PCDH15: variants seen among roughly 807,000 people sequenced by gnomAD.
PCDH15 encodes protocadherin-15.
Under a neutral mutation model 178.5 loss-of-function variants are expected in PCDH15, and 129 were observed. The observed-to-expected ratio is 0.72, with a 90% CI of 0.63 to 0.84. The LOEUF is 0.84. PCDH15 is among the 40% of genes least tolerant of loss of function. PCDH15 has a pLI of 0.00. For synonymous variants in PCDH15, 800 were observed against 732.0 expected, an observed-to-expected ratio of 1.09 and a Z score of -1.50; for missense variants, 2,230 against 2,099.9, an observed-to-expected ratio of 1.06 and a Z score of -1.21.
chr10:54,440,490 G>T (rs552882639), intron 3 of PCDH15, among the ~76,000 whole-genome samples: 1 of 151,780 alleles, frequency 6.6e-6, no homozygotes, highest in South Asian at 2.1e-4. Context: ...AATTCTAGAG[G>T]ATTCTAGATA....
intron 13 of PCDH15, among the ~76,000 whole-genome samples, chr10:54,167,405 A>C (rs2046343453): frequency 6.6e-6 from 1 of 151,742 alleles, no homozygotes; most frequent in South Asian, 2.1e-4. Flanking sequence ...GACAAAGGAG[A>C]CACATTTTAT....
intron 2 of PCDH15, among the ~76,000 whole-genome samples, chr10:55,573,392 G>T (rs1842442154): frequency 6.6e-6 from 1 of 152,010 alleles, no homozygotes; most frequent in African/African-American, 2.4e-5. Flanking sequence ...TAGATACCAG[G>T]ATCTGTCTTT....
At chr10:54,644,153 A>AT (rs535118383) in intron 2 of PCDH15, among the ~76,000 whole-genome samples, 1 of 150,346 alleles carries the variant, frequency 6.7e-6, no homozygotes, top group Non-Finnish European at 1.5e-5. Flanking sequence ...TGAACTCATC[A>AT]TTTTTTTATG....
At chr10:54,217,124 G>A (rs2052169262) in intron 9 of PCDH15, among the ~76,000 whole-genome samples, 1 of 151,960 alleles carries the variant, frequency 6.6e-6, no homozygotes, top group Non-Finnish European at 1.5e-5. Context: ...CACGTGGAGA[G>A]GATAAACACT....
intron 8 of PCDH15, among the ~76,000 whole-genome samples, chr10:54,256,498 C>G (rs1177387982): frequency 6.6e-6 from 1 of 152,108 alleles, no homozygotes; most frequent in Non-Finnish European, 1.5e-5. Flanking sequence ...TTTCACAATT[C>G]TACTGTTATA....
chr10:54,274,637 T>C (rs2132573242), intron 8 of PCDH15, among the ~76,000 whole-genome samples: 1 of 151,782 alleles, frequency 6.6e-6, no homozygotes, highest in African/African-American at 2.4e-5. Flanking sequence ...TGTGTGTGTG[T>C]GTGTGTGTGT....
chr10:53,955,215 G>A (rs2087494305), intron 23 of PCDH15, among the ~76,000 whole-genome samples: 1 of 152,172 alleles, frequency 6.6e-6, no homozygotes, highest in African/African-American at 2.4e-5. Context: ...CCTTTCTGCT[G>A]ACTAAAATGG....
chr10:55,150,061 A>C (rs1838657363), intron 2 of PCDH15, among the ~76,000 whole-genome samples: 1 of 108,918 alleles, frequency 9.2e-6, no homozygotes, highest in Non-Finnish European at 2.1e-5. Context: ...AGAGAAGTGA[A>C]GAGGAGAGGA....
chr10:54,750,264 T>A (rs1384247103), intron 1 of PCDH15, among the ~76,000 whole-genome samples: 2 of 150,876 alleles, frequency 1.3e-5, no homozygotes, highest in East Asian at 3.9e-4. Flanking sequence ...ATCCACAGGA[T>A]AAAAGAAAAA....
At chr10:55,344,465 A>G (rs533848683) in intron 2 of PCDH15, among the ~76,000 whole-genome samples, 1 of 152,206 alleles carries the variant, frequency 6.6e-6, no homozygotes, top group Admixed American at 6.6e-5. Context: ...CAGAACAATG[A>G]GAAGGGGTCA....
chr10:54,221,705 C>T (rs116401010), intron 9 of PCDH15, among the ~76,000 whole-genome samples: 5,627 of 151,786 alleles, frequency 0.037, 158 homozygotes, highest in Middle Eastern at 0.092. Context: ...TGAGTTGAAG[C>T]AATTCTCCCG....
Position 55,391,824 on chromosome 10 carries a change from C to G in PCDH15, c.-155-225173G>C, listed in dbSNP as rs372915417. ...TTAATATTCTTCAATAATTTTTCCTCAACATTCACAACCCGGCTAACTGTT... is the reference window on the plus strand; with the variant it reads ...TTAATATTCTTCAATAATTTTTCCTGAACATTCACAACCCGGCTAACTGTT... On this transcript the variant is annotated intron_variant, in intron 2 of 5. Coordinates refer to the PCDH15 transcript ENST00000613346. Among the ~76,000 whole-genome samples the G allele has an allele frequency of 5.9e-5, 9 of 152,302 alleles. 1 individual carries two copies. In the South Asian group the frequency reaches 1.9e-3, roughly 32 times the overall value.
chr10:54,797,478 GA>G (rs537699556), intron 1 of PCDH15, among the ~76,000 whole-genome samples: 62 of 149,310 alleles, frequency 4.2e-4, no homozygotes, highest in African/African-American at 1.5e-3. Flanking sequence ...CTCTTTAGGT[GA>G]AAATTATTTT....
intron 3 of PCDH15, among the ~76,000 whole-genome samples, chr10:54,888,281 T>G (rs898032709): frequency 6.6e-6 from 1 of 152,104 alleles, no homozygotes. Flanking sequence ...ATTTGTGGGC[T>G]CATAGAGCAT....
At chr10:55,029,277 G>T (rs926361493) in intron 2 of PCDH15, among the ~76,000 whole-genome samples, 5 of 151,702 alleles carry the variant, frequency 3.3e-5, no homozygotes, top group Admixed American at 2.0e-4. Context: ...ACCCAAAATA[G>T]TATCTGTTAT....
intron 2 of PCDH15, among the ~76,000 whole-genome samples, chr10:55,395,271 G>T (rs750853471): frequency 6.6e-6 from 1 of 150,768 alleles, no homozygotes. Flanking sequence ...TTTTCTATGG[G>T]TTCTAACTTT....
At chr10:55,102,531 T>C (rs1254534848) in intron 2 of PCDH15, among the ~76,000 whole-genome samples, 1 of 152,152 alleles carries the variant, frequency 6.6e-6, no homozygotes, top group Non-Finnish European at 1.5e-5. Flanking sequence ...AAAAAGACTA[T>C]AACAAATGTT....
chr10:54,146,532 T>C (rs977940032), intron 14 of PCDH15, among the ~76,000 whole-genome samples: 1 of 151,880 alleles, frequency 6.6e-6, no homozygotes, highest in Non-Finnish European at 1.5e-5. Flanking sequence ...CCAAAATAAC[T>C]TAAGTGTTTT....
At chr10:55,519,093 CAAAAAAAA>C (rs33942260) in intron 2 of PCDH15, among the ~76,000 whole-genome samples, 4 of 66,190 alleles carry the variant, frequency 6.0e-5, no homozygotes, top group African/African-American at 2.5e-4. Context: ...GATTTCGTCT[CAAAAAAAA>C]AAAAAAAAAA....
Sources: allele counts gnomAD v4.1 joint callset (sites outside exome capture counted in the v4.1 genomes callset), GRCh38; gene constraint gnomAD v4.1.1; transcripts MANE v1.5; gene names NCBI Gene and HGNC (gene_info 2026-07-23, HGNC 2026-07-21).